Variants in MAP2K4 observed in about 807,000 individuals in gnomAD.
The protein encoded by MAP2K4 is mitogen-activated protein kinase kinase 4, also known as dual specificity mitogen-activated protein kinase kinase 4.
MAP2K4 carries 4 observed loss-of-function variants against 48.5 expected under a neutral mutation model. The observed-to-expected ratio is 0.08, with a 90% CI of 0.04 to 0.19. The LOEUF is 0.19. MAP2K4 is among the 10% of genes least tolerant of loss of function. MAP2K4 has a pLI of 1.00. For missense variants in MAP2K4, 258 were observed against 493.3 expected (o/e 0.52, Z 4.52); for synonymous variants, 166 against 173.1 (o/e 0.96, Z 0.32).
intron 4 of MAP2K4, among the ~76,000 whole-genome samples, chr17:12,103,953 A>ATT: frequency 6.6e-6 from 1 of 151,970 alleles, no homozygotes; most frequent in Non-Finnish European, 1.5e-5. Context: ...TTTTTTTATA[A>ATT]TTATAAACAG....
At chr17:12,065,365 C>T (rs1359900428) in intron 2 of MAP2K4, among the ~76,000 whole-genome samples, 6 of 147,272 alleles carry the variant, frequency 4.1e-5, no homozygotes, top group Non-Finnish European at 8.9e-5. Context: ...ATGGTGCGAT[C>T]TCGGCTCACT....
intron 9 of MAP2K4, among the ~76,000 whole-genome samples, chr17:12,131,234 C>CTTTTTTTTTTTTT (rs11307653): frequency 7.6e-6 from 1 of 130,938 alleles, no homozygotes. Context: ...GGTCACATTT[C>CTTTTTTTTTTTTT]TTTTTTTTTT....
rs566036251 is a variant in MAP2K4 at position 12,068,662 on chromosome 17, G to A, written c.219-12694G>A. Among the ~76,000 whole-genome samples, 9 of 151,986 alleles carry A rather than the reference G, an allele frequency of 5.9e-5. No homozygotes were observed. The East Asian group carries it at 1.3e-3, about 23-fold the overall frequency. On this transcript the variant is annotated intron_variant, in intron 2 of 10. Transcript: ENST00000353533. ...TGGGTATGGAGCATCTGTAAATAGG[G>A]GTCATAGGGCAAGATCGAGTTTTAG...
intron 1 of MAP2K4, among the ~76,000 whole-genome samples, chr17:12,023,281 G>T (rs533314873): frequency 6.6e-6 from 1 of 151,990 alleles, no homozygotes; most frequent in South Asian, 2.1e-4. Flanking sequence ...CTTCTTTTTG[G>T]TTTGTTTTGT....
intron 1 of MAP2K4, among the ~76,000 whole-genome samples, chr17:12,033,363 T>A (rs945096720): frequency 1.3e-5 from 2 of 152,078 alleles, no homozygotes; most frequent in African/African-American, 4.8e-5. Flanking sequence ...GGAAAAAACA[T>A]TTCTGCTATG....
At chr17:12,140,455 A>G (rs940164165) in intron 10 of MAP2K4, among the ~76,000 whole-genome samples, 2 of 152,332 alleles carry the variant, frequency 1.3e-5, no homozygotes, top group South Asian at 2.1e-4. Flanking sequence ...TGACAAACTT[A>G]TATCACAGTC....
intron 2 of MAP2K4, among the ~76,000 whole-genome samples, chr17:12,076,679 A>G (rs1407202334): frequency 6.6e-6 from 1 of 151,384 alleles, no homozygotes; most frequent in African/African-American, 2.4e-5. Flanking sequence ...GACCATTCAT[A>G]TTTCACTTCT....
intron 1 of MAP2K4, among the ~76,000 whole-genome samples, chr17:12,037,908 T>C (rs1555542385): frequency 1.3e-5 from 2 of 152,260 alleles, no homozygotes; most frequent in East Asian, 1.9e-4. Flanking sequence ...GTCTTTGACC[T>C]TGGAAATGGT....
chr17:12,086,161 A>G (rs770048137), intron 3 of MAP2K4, among the ~76,000 whole-genome samples: 3 of 152,184 alleles, frequency 2.0e-5, no homozygotes, highest in Non-Finnish European at 4.4e-5. Context: ...CAAATCACCT[A>G]TGGGATGCAG....
At chr17:12,064,483 A>G (rs770979756) in intron 2 of MAP2K4, among the ~76,000 whole-genome samples, 4 of 152,264 alleles carry the variant, frequency 2.6e-5, no homozygotes, top group Non-Finnish European at 4.4e-5. Flanking sequence ...CCATAAGAAC[A>G]TTAGTAATAA....
Position 12,081,216 on chromosome 17 carries a change from A to G in MAP2K4, c.219-140A>G, listed in dbSNP as rs1231459867. 1.4e-5 allele frequency: 8 copies of G among 586,460 alleles called. No homozygotes were observed. The highest frequency in any genetic ancestry group is 2.3e-5 in the Non-Finnish European group (8 of 344,992). 36.3% of individuals were successfully genotyped at this position (586,460 alleles called of 1,614,324 possible). The stretch of plus-strand genomic sequence containing the variant: ...GTGTGTAAAAAACCAGGATGACACA[A>G]ATGAAAAACTTCAAAAACCTGGAGG... On this transcript the variant is annotated intron_variant, in intron 2 of 10. Coordinates refer to ENST00000353533, the MANE Select transcript of MAP2K4 (RefSeq NM_003010.4). The surrounding 1 kb of genome is among the most constrained non-coding windows in gnomAD (Gnocchi z 4.2).
chr17:12,088,660 G>A (rs1243166480), intron 3 of MAP2K4, among the ~76,000 whole-genome samples: 1 of 143,634 alleles, frequency 7.0e-6, no homozygotes, highest in East Asian at 2.0e-4. Flanking sequence ...GATTTTTAAT[G>A]CTGAACCTTT....
intron 1 of MAP2K4, among the ~76,000 whole-genome samples, chr17:12,042,263 G>A (rs1355295607): frequency 2.0e-5 from 3 of 147,050 alleles, no homozygotes; most frequent in East Asian, 4.2e-4. Flanking sequence ...ACAAAATTAT[G>A]TATATGACTT....
intron 9 of MAP2K4, among the ~76,000 whole-genome samples, chr17:12,134,064 G>A (rs946736971): frequency 1.3e-5 from 2 of 152,344 alleles, no homozygotes; most frequent in East Asian, 3.9e-4. Context: ...CACAGTGCAT[G>A]CTGTTAGAGC....
chr17:12,059,916 G>A (rs553774111), intron 2 of MAP2K4, among the ~76,000 whole-genome samples: 11 of 152,264 alleles, frequency 7.2e-5, no homozygotes, highest in East Asian at 1.9e-4. Context: ...AGTTGCTCAC[G>A]CCTGCAATCC....
chr17:12,049,313 G>T (rs1431116661), intron 1 of MAP2K4, among the ~76,000 whole-genome samples: 1 of 152,204 alleles, frequency 6.6e-6, no homozygotes, highest in East Asian at 1.9e-4. Flanking sequence ...TGAATGACTT[G>T]TACACTGCAG....
At chr17:12,072,764 A>G (rs1473964362) in intron 2 of MAP2K4, among the ~76,000 whole-genome samples, 1 of 152,198 alleles carries the variant, frequency 6.6e-6, no homozygotes, top group Non-Finnish European at 1.5e-5. Flanking sequence ...CATGTTCCTA[A>G]ATGTGTCTAT....
At chr17:12,037,367 T>C (rs1016944648) in intron 1 of MAP2K4, among the ~76,000 whole-genome samples, 1 of 152,138 alleles carries the variant, frequency 6.6e-6, no homozygotes, top group Non-Finnish European at 1.5e-5. Context: ...AATGATGATG[T>C]TTTGACTTTA....
chr17:12,123,441 G>T (rs932091767), intron 7 of MAP2K4, among the ~76,000 whole-genome samples: 1 of 152,160 alleles, frequency 6.6e-6, no homozygotes, highest in Non-Finnish European at 1.5e-5. Flanking sequence ...CTGTGGGTCA[G>T]TCTAGCCAAA....
Sources: allele counts gnomAD v4.1 joint callset (sites outside exome capture counted in the v4.1 genomes callset), GRCh38; gene constraint gnomAD v4.1.1; non-coding constraint Gnocchi (gnomAD v3.1); transcripts MANE v1.5; gene names NCBI Gene and HGNC (gene_info 2026-07-23, HGNC 2026-07-21).